The following ENOX1 variants were observed in gnomAD, a reference collection of about 807,000 sequenced individuals.
ENOX1 encodes the protein candidate growth-related and time keeping constitutive hydroquinone (NADH) oxidase.
In ENOX1, 42 loss-of-function variants were observed where a neutral mutation model predicts 82.5. The ratio of observed to expected loss-of-function variants is 0.51; its 90% CI spans 0.40 to 0.66. The LOEUF (loss-of-function observed/expected upper bound fraction) is 0.66. Among genes scored for constraint, ENOX1 ranks in the 30% least tolerant of loss-of-function variants. The pLI is 0.00. For synonymous variants in ENOX1, 271 were observed against 282.2 expected (o/e 0.96, Z 0.40); for missense variants, 608 against 811.6 (o/e 0.75, Z 3.05).
At chr13:43,506,932 C>T (rs1000947699) in intron 2 of ENOX1, among the ~76,000 whole-genome samples, 1 of 151,310 alleles carries the variant, frequency 6.6e-6, no homozygotes, top group Non-Finnish European at 1.5e-5. Context: ...CACATGTATA[C>T]ATATGTAACA....
At chr13:43,358,843 C>T (rs2050314182) in intron 7 of ENOX1, among the ~76,000 whole-genome samples, 1 of 152,170 alleles carries the variant, frequency 6.6e-6, no homozygotes, top group Non-Finnish European at 1.5e-5. Flanking sequence ...TAGGCTTTGT[C>T]TTCCTTCTCC....
rs149111203 is a variant in ENOX1 at position 43,770,686 on chromosome 13, TACACACACAC to T, written c.-285+15956_-285+15965del. On this transcript the variant is annotated intron_variant, in intron 1 of 16. Coordinates refer to ENST00000690772, the MANE Select transcript of ENOX1 (RefSeq NM_001347969.2). ...TATCTGCATATAGTATACGTATGTG[TACACACACAC>T]ACACACACACACACACACACACACA... Among the ~76,000 whole-genome samples, 1,412 of 146,244 alleles carry T rather than the reference TACACACACAC, an allele frequency of 9.7e-3. 25 individuals carry two copies. Among genetic ancestry groups the T allele is most frequent in the African/African-American group, 0.033 (1,326 of 40,236 alleles).
intron 11 of ENOX1, among the ~76,000 whole-genome samples, chr13:43,320,155 C>A (rs574427537): frequency 4.6e-5 from 7 of 152,180 alleles, no homozygotes; most frequent in Non-Finnish European, 8.8e-5. Flanking sequence ...TTCAGGGCCC[C>A]GTGGAATAAA....
At chr13:43,613,883 G>A (rs754586958) in intron 2 of ENOX1, among the ~76,000 whole-genome samples, 56 of 151,972 alleles carry the variant, frequency 3.7e-4, no homozygotes, top group Non-Finnish European at 4.3e-4. Context: ...GTGAGCCGCC[G>A]AGATCATGCC....
intron 1 of ENOX1, among the ~76,000 whole-genome samples, chr13:43,684,574 C>T (rs1423804832): frequency 6.6e-6 from 1 of 152,168 alleles, no homozygotes; most frequent in Non-Finnish European, 1.5e-5. Context: ...CTCTAATCCA[C>T]ACTAGTGACA....
intron 5 of ENOX1, among the ~76,000 whole-genome samples, chr13:43,376,345 T>C (rs1329825065): frequency 1.3e-5 from 2 of 152,192 alleles, no homozygotes; most frequent in Non-Finnish European, 2.9e-5. Context: ...AAGTGTGTAT[T>C]ATGGGAACTT....
At chr13:43,423,751 C>T (rs946467942) in intron 3 of ENOX1, among the ~76,000 whole-genome samples, 2 of 152,220 alleles carry the variant, frequency 1.3e-5, no homozygotes, top group Non-Finnish European at 2.9e-5. Flanking sequence ...TGAGGCTTAA[C>T]TACCATCTTA....
intron 9 of ENOX1, among the ~76,000 whole-genome samples, chr13:43,341,938 T>C (rs538028095): frequency 6.6e-5 from 10 of 152,358 alleles, no homozygotes; most frequent in African/African-American, 2.4e-4. Flanking sequence ...TTTCTTGCTA[T>C]AATGACGCAA....
chr13:43,626,393 G>A (rs995628838), intron 2 of ENOX1, among the ~76,000 whole-genome samples: 9 of 151,262 alleles, frequency 5.9e-5, no homozygotes, highest in African/African-American at 1.9e-4. Context: ...TAGTTTTTTG[G>A]GGTGATAAAT....
intron 2 of ENOX1, among the ~76,000 whole-genome samples, chr13:43,576,514 T>TG (rs1350273647): frequency 3.2e-4 from 48 of 152,206 alleles, no homozygotes; most frequent in Non-Finnish European, 6.2e-4. Flanking sequence ...ATGTGCCTAG[T>TG]TCACATTAAG....
At chr13:43,582,752 T>C (rs1258523713) in intron 2 of ENOX1, among the ~76,000 whole-genome samples, 2 of 152,310 alleles carry the variant, frequency 1.3e-5, no homozygotes, top group Non-Finnish European at 2.9e-5. Flanking sequence ...TTTTAAATTT[T>C]CTTGGAAGAG....
chr13:43,456,349 T>C (rs1237553480), intron 3 of ENOX1, among the ~76,000 whole-genome samples: 1 of 152,088 alleles, frequency 6.6e-6, no homozygotes, highest in Non-Finnish European at 1.5e-5. Flanking sequence ...GTTTATTTCA[T>C]ATATATACAT....
At chr13:43,345,148 T>C (rs929798845) in intron 8 of ENOX1, among the ~76,000 whole-genome samples, 1 of 152,236 alleles carries the variant, frequency 6.6e-6, no homozygotes, top group Non-Finnish European at 1.5e-5. Context: ...AAAAATATTA[T>C]ACAGTGTTAC....
chr13:43,327,145 G>A (rs2048159678), intron 9 of ENOX1, among the ~76,000 whole-genome samples: 1 of 152,092 alleles, frequency 6.6e-6, no homozygotes, highest in African/African-American at 2.4e-5. Context: ...CAGCCCTCTG[G>A]CAGGGAACAG....
chr13:43,520,675 G>A (rs1224435244), intron 2 of ENOX1, among the ~76,000 whole-genome samples: 1 of 152,146 alleles, frequency 6.6e-6, no homozygotes, highest in East Asian at 1.9e-4. Context: ...CACTGGTCAG[G>A]TAGAGATGGC....
At chr13:43,298,706 C>T (rs572893414) in intron 11 of ENOX1, among the ~76,000 whole-genome samples, 176 bp from the exon 12 acceptor site, 3 of 152,172 alleles carry the variant, frequency 2.0e-5, no homozygotes, top group African/African-American at 7.2e-5. Context: ...TCACTTCTCT[C>T]GGAACTTTTA....
At chr13:43,660,621 C>T (rs933841061) in intron 2 of ENOX1, among the ~76,000 whole-genome samples, 1 of 152,236 alleles carries the variant, frequency 6.6e-6, no homozygotes, top group Non-Finnish European at 1.5e-5. Flanking sequence ...TATTTCAAAA[C>T]AGTCTCTAAA....
chr13:43,591,755 T>G (rs915891750), intron 2 of ENOX1, among the ~76,000 whole-genome samples: 10 of 152,178 alleles, frequency 6.6e-5, no homozygotes, highest in Admixed American at 4.6e-4. Context: ...CAGATTTGTC[T>G]CAGACCCCTC....
chr13:43,732,821 G>A (rs1225627416), intron 1 of ENOX1, among the ~76,000 whole-genome samples: 8 of 152,118 alleles, frequency 5.3e-5, no homozygotes, highest in Admixed American at 5.2e-4. Context: ...ATTTTCTCTG[G>A]CCTTTCATTC....
Sources: gnomAD v4.1 joint callset for allele counts (sites outside exome capture counted in the v4.1 genomes callset) on GRCh38, gnomAD v4.1.1 for gene constraint, MANE v1.5 for transcripts, NCBI Gene and HGNC (gene_info 2026-07-23, HGNC 2026-07-21) for gene names.